The following TMTC1 variants were observed in gnomAD, a reference collection of about 807,000 sequenced individuals.
TMTC1 encodes the protein protein O-mannosyl-transferase TMTC1.
Under a neutral mutation model 104.8 loss-of-function variants are expected in TMTC1, and 73 were observed. That is an observed-to-expected ratio of 0.70 (90% CI 0.58 to 0.85). TMTC1 has a LOEUF of 0.85. Ranked by LOEUF, TMTC1 falls within the 40% of genes least tolerant of loss-of-function variation. TMTC1 has a pLI of 0.00. For missense variants in TMTC1, 1,035 were observed against 1,096.1 expected (o/e 0.94, Z 0.79); for synonymous variants, 434 against 428.7 (o/e 1.01, Z -0.15).
At position 29,506,873 on chromosome 12, in the gene TMTC1, T is replaced by C; in HGVS notation, c.2622A>G (p.Gln874=). 3 of 1,614,158 alleles carry C rather than the reference T, an allele frequency of 1.9e-6. No individual in the cohort carries two copies. The highest frequency in any genetic ancestry group is 2.5e-6 in the Non-Finnish European group (3 of 1,179,978). ...ATGTTTGATCCTTTTCTCGAACTTC[T>C]TGTAATCGTTTTTCTAGGCGATCCA... ...AKLDRLEKRL[Q]EVREKDQT Residue 874 remains glutamine, a synonymous_variant, in exon 18 of 18, where the codon CAA becomes CAG. Coordinates refer to ENST00000539277, the MANE Select transcript of TMTC1 (RefSeq NM_001193451.2).
intron 3 of TMTC1, among the ~76,000 whole-genome samples, chr12:29,756,514 T>G (rs943641754): frequency 2.6e-5 from 4 of 152,234 alleles, no homozygotes; most frequent in African/African-American, 9.6e-5. Context: ...TTTAACCTTT[T>G]TTTCTTTTGG....
chr12:29,566,327 A>G (rs1458179906), intron 9 of TMTC1, among the ~76,000 whole-genome samples: 1 of 152,018 alleles, frequency 6.6e-6, no homozygotes, highest in African/African-American at 2.4e-5. Context: ...GAATAGCAGG[A>G]GGTGTGTCAG....
chr12:29,531,086 TA>T (rs561859141), intron 11 of TMTC1, among the ~76,000 whole-genome samples: 4 of 152,284 alleles, frequency 2.6e-5, no homozygotes, highest in African/African-American at 9.6e-5. Context: ...AATCTTTGCC[TA>T]GGGGTAGCCT....
chr12:29,698,923 G>A (rs1941501825), intron 5 of TMTC1, among the ~76,000 whole-genome samples: 1 of 152,214 alleles, frequency 6.6e-6, no homozygotes, highest in Non-Finnish European at 1.5e-5. Context: ...AGGCCTGTCA[G>A]CATTCCTTTC....
intron 5 of TMTC1, among the ~76,000 whole-genome samples, chr12:29,715,118 T>C (rs990308639): frequency 6.6e-6 from 1 of 152,196 alleles, no homozygotes; most frequent in Non-Finnish European, 1.5e-5. Context: ...TGACTACATA[T>C]ACTGGAGAAA....
chr12:29,679,462 AATCAGATATAAGAACTAAAG>A (rs1940839371), intron 5 of TMTC1, among the ~76,000 whole-genome samples: 1 of 152,176 alleles, frequency 6.6e-6, no homozygotes, highest in Non-Finnish European at 1.5e-5. Context: ...GAATCTCTAA[AATCAGATATAAGAACTAAAG>A]ATCAAGGACC....
intron 5 of TMTC1, among the ~76,000 whole-genome samples, chr12:29,669,364 A>G (rs1194483671): frequency 6.6e-6 from 1 of 152,184 alleles, no homozygotes; most frequent in Admixed American, 6.5e-5. Context: ...TTCTGATGGC[A>G]ATGGACAGTC....
chr12:29,693,241 T>C (rs1232992190), intron 5 of TMTC1, among the ~76,000 whole-genome samples: 2 of 144,874 alleles, frequency 1.4e-5, no homozygotes, highest in African/African-American at 5.0e-5. Flanking sequence ...TTTTTAAAAT[T>C]GACACATAAT....
At chr12:29,511,510 C>A (rs1391285533) in intron 17 of TMTC1, among the ~76,000 whole-genome samples, 2 of 152,112 alleles carry the variant, frequency 1.3e-5, no homozygotes, top group Non-Finnish European at 2.9e-5. Flanking sequence ...AGGTCATTTT[C>A]AATCTTTGGG....
rs114327726 is a variant in TMTC1 at position 29,502,787 on chromosome 12, A to G, written c.*4059T>C. 2.0e-4 allele frequency: 30 copies of G among 152,332 alleles called. No individual in the cohort carries two copies. Among genetic ancestry groups the G allele is most frequent in the African/African-American group, 7.0e-4 (29 of 41,582 alleles). The allele number at this position is 152,332 out of a possible 1,614,324, so 9.4% of individuals were successfully genotyped here. ...CTCCCATTCCAGGTGTCAGCCCTGT[A>G]GTGGTTCTCCAGCCTAGCTGCACAT... On this transcript the variant is annotated 3_prime_UTR_variant, in exon 18 of 18. Transcript: ENST00000539277.
intron 11 of TMTC1, among the ~76,000 whole-genome samples, chr12:29,532,146 A>T (rs977167415): frequency 1.3e-5 from 2 of 152,126 alleles, no homozygotes; most frequent in Admixed American, 1.3e-4. Flanking sequence ...TCATTTTTTT[A>T]AAGTCCTAGG....
intron 9 of TMTC1, among the ~76,000 whole-genome samples, chr12:29,571,694 T>C (rs1245655032): frequency 6.6e-6 from 1 of 152,110 alleles, no homozygotes; most frequent in African/African-American, 2.4e-5. Context: ...ATTTCTATAC[T>C]CAAATGTCTT....
At chr12:29,512,306 C>G (rs905134420) in intron 16 of TMTC1, among the ~76,000 whole-genome samples, 186 bp from the exon 17 acceptor site, 2 of 152,160 alleles carry the variant, frequency 1.3e-5, no homozygotes, top group Non-Finnish European at 2.9e-5. Flanking sequence ...GTGGAGGAAA[C>G]TGAAATGTAT....
rs1943671297 is a variant in TMTC1, at chr12:29,505,185, A to G, written c.*1661T>C. On this transcript the variant is annotated 3_prime_UTR_variant, in exon 18 of 18. Transcript: ENST00000539277. ...TATTTAGACTTACCTTGACAAAACA[A>G]ATAATAACACTGGGGTAGTGCTTCC... 1 of 152,216 alleles carries G rather than the reference A, an allele frequency of 6.6e-6. No individual in the cohort carries two copies. Among genetic ancestry groups the G allele is most frequent in the Non-Finnish European group, 1.5e-5 (1 of 68,042 alleles). 9.4% of individuals were successfully genotyped at this position (152,216 alleles called of 1,614,324 possible). A position where few individuals can be genotyped will look rare whatever the true frequency, so the allele number is the denominator to read the frequency against.
intron 4 of TMTC1, among the ~76,000 whole-genome samples, chr12:29,752,970 G>A (rs1260624394): frequency 6.6e-6 from 1 of 152,146 alleles, no homozygotes; most frequent in Non-Finnish European, 1.5e-5. Flanking sequence ...TAATTTTCAG[G>A]AGCTGATTTT....
At chr12:29,769,091 C>G (rs1265300072) in intron 1 of TMTC1, among the ~76,000 whole-genome samples, 1 of 152,154 alleles carries the variant, frequency 6.6e-6, no homozygotes, top group African/African-American at 2.4e-5. Context: ...ATAGAAACAG[C>G]TCTTCTTTGC....
intron 5 of TMTC1, among the ~76,000 whole-genome samples, chr12:29,645,567 GT>G (rs1438401539): frequency 1.3e-5 from 2 of 152,138 alleles, no homozygotes; most frequent in Non-Finnish European, 2.9e-5. Context: ...GTCTGAGAAT[GT>G]TAGCAACTTC....
At chr12:29,589,722 T>C (rs1946230013) in intron 7 of TMTC1, among the ~76,000 whole-genome samples, 1 of 152,200 alleles carries the variant, frequency 6.6e-6, no homozygotes, top group South Asian at 2.1e-4. Flanking sequence ...CACAAACATT[T>C]AGCTGCAATA....
intron 4 of TMTC1, among the ~76,000 whole-genome samples, chr12:29,753,633 T>C (rs2136978355): frequency 6.6e-6 from 1 of 152,392 alleles, no homozygotes; most frequent in South Asian, 2.1e-4. Context: ...GTCTCCGTGT[T>C]ACATCCTCTG....
Sources: allele counts gnomAD v4.1 joint callset (sites outside exome capture counted in the v4.1 genomes callset), GRCh38; gene constraint gnomAD v4.1.1; transcripts MANE v1.5; gene names NCBI Gene and HGNC (gene_info 2026-07-23, HGNC 2026-07-21).